CPM: variants seen among roughly 807,000 people sequenced by gnomAD.
CPM encodes renal carboxypeptidase.
A neutral mutation model predicts 46.4 loss-of-function variants in CPM; 35 were observed. The observed-to-expected ratio is 0.75, with a 90% confidence interval of 0.58 to 1.00. The LOEUF (loss-of-function observed/expected upper bound fraction) is 1.00. Ranked by LOEUF, CPM falls within the 50% of genes least tolerant of loss-of-function variation. The pLI, the probability that CPM is intolerant of heterozygous loss-of-function variation, is 0.00. For synonymous variants in CPM, 195 were observed against 195.3 expected (o/e 1.00, Z 0.01); for missense variants, 422 against 530.4 (o/e 0.80, Z 2.01).
chr12:68,951,676 G>A (rs1888937329), intron 1 of CPM, among the ~76,000 whole-genome samples: 1 of 152,180 alleles, frequency 6.6e-6, no homozygotes, highest in African/African-American at 2.4e-5. Flanking sequence ...CACCACCAGC[G>A]AGTGGGTCGT....
intron 1 of CPM, among the ~76,000 whole-genome samples, chr12:68,947,320 G>A (rs375936234): frequency 9.2e-5 from 14 of 152,080 alleles, no homozygotes; most frequent in African/African-American, 3.1e-4. Flanking sequence ...TTTGAGGCCG[G>A]GTGCAATGGC....
intron 1 of CPM, among the ~76,000 whole-genome samples, chr12:68,949,342 G>T (rs928533487): frequency 2.0e-5 from 3 of 152,172 alleles, no homozygotes; most frequent in African/African-American, 7.2e-5. Flanking sequence ...CAGCACTTTA[G>T]TCTAAGCAAC....
chr12:68,926,199 T>G (rs923432605), intron 2 of CPM, among the ~76,000 whole-genome samples: 1 of 152,226 alleles, frequency 6.6e-6, no homozygotes, highest in Non-Finnish European at 1.5e-5. Context: ...ATTACAGGTG[T>G]GAGCCACTGC....
intron 7 of CPM, among the ~76,000 whole-genome samples, chr12:68,864,866 A>G (rs1196314893): frequency 6.6e-6 from 1 of 152,136 alleles, no homozygotes; most frequent in Non-Finnish European, 1.5e-5. Flanking sequence ...TGTTTAAAAA[A>G]TTAGCTGGAT....
Position 68,932,706 on chromosome 12 carries a change from G to T in CPM, c.132C>A (p.His44Gln), listed in dbSNP as rs141809246. 2 of 1,614,094 alleles carry T rather than the reference G, an allele frequency of 1.2e-6. No individual in the cohort carries two copies. Among genetic ancestry groups the T allele is most frequent in the Admixed American group, 3.3e-5 (2 of 60,014 alleles). ...TVAQNYSSVT[H>Q]LHSIGKSVKG... ...TCACAGATTTCCCAATACTGTGTAA[G>T]TGAGTGACAGAACTGTAGTTTTGGG... The change falls in exon 2 of 9, where the codon CAC becomes CAA. Residue 44 changes from histidine (H) to glutamine (Q), a missense_variant. By Grantham distance (24) the His-to-Gln change is conservative. Transcript: ENST00000551568.
At chr12:68,903,101 CA>C (rs1156686832) in intron 2 of CPM, among the ~76,000 whole-genome samples, 3 of 152,178 alleles carry the variant, frequency 2.0e-5, no homozygotes, top group Non-Finnish European at 2.9e-5. Flanking sequence ...TTATTGTTAA[CA>C]AACGTTGTTA....
In CPM at chr12:68,851,414, A is replaced by C. The variant is rs1334235963; in HGVS notation, c.*5023T>G. The C allele has an allele frequency of 6.6e-6, 1 of 152,510 alleles. No individual in the cohort carries two copies. Among genetic ancestry groups the C allele is most frequent in the Non-Finnish European group, 1.5e-5 (1 of 68,138 alleles). The allele number at this position is 152,510 out of a possible 1,614,324, so 9.4% of individuals were successfully genotyped here. A position where few individuals can be genotyped will look rare whatever the true frequency, so the allele number is the denominator to read the frequency against. On this transcript the variant is annotated 3_prime_UTR_variant, in exon 9 of 9. Transcript: ENST00000551568. The stretch of plus-strand genomic sequence containing the variant: ...ATCATGAGGTCAGGAGATCGAGACC[A>C]TCCTGGCTAACACGGTGAAACCCCG...
intron 1 of CPM, among the ~76,000 whole-genome samples, chr12:68,947,619 G>T (rs1409050086): frequency 2.0e-5 from 3 of 150,734 alleles, no homozygotes; most frequent in Non-Finnish European, 4.4e-5. Flanking sequence ...AGAAAAGAAA[G>T]AATTTTTATA....
intron 2 of CPM, among the ~76,000 whole-genome samples, chr12:68,912,200 C>T (rs191977681): frequency 6.6e-6 from 1 of 152,196 alleles, no homozygotes; most frequent in East Asian, 1.9e-4. Context: ...AGAGACGGGG[C>T]TTCACCATTT....
At chr12:68,887,577 A>C (rs74665477) in intron 2 of CPM, among the ~76,000 whole-genome samples, 7,069 of 152,268 alleles carry the variant, frequency 0.046, 595 homozygotes, top group African/African-American at 0.16. Flanking sequence ...TGATTTATGT[A>C]CCCTGTTCAG....
At chr12:68,933,455 C>T (rs1377249779), upstream of CPM, among the ~76,000 whole-genome samples, 1 of 152,198 alleles carries the variant, frequency 6.6e-6, no homozygotes, top group Non-Finnish European at 1.5e-5. Context: ...AGAAGTGTGT[C>T]CTCGCCTCGG....
At chr12:68,938,210 A>G (rs889105679) in intron 1 of CPM, among the ~76,000 whole-genome samples, 1 of 152,182 alleles carries the variant, frequency 6.6e-6, no homozygotes, top group Non-Finnish European at 1.5e-5. Context: ...TAAAAGAAAA[A>G]TTTTAAACTT....
chr12:68,934,612 T>C (rs958598099), upstream of CPM, among the ~76,000 whole-genome samples: 1 of 152,074 alleles, frequency 6.6e-6, no homozygotes, highest in Non-Finnish European at 1.5e-5. Context: ...TTCCGTGGTG[T>C]ATATGTGCCA....
intron 2 of CPM, among the ~76,000 whole-genome samples, chr12:68,930,149 T>C (rs148005725): frequency 2.6e-5 from 4 of 152,312 alleles, no homozygotes; most frequent in African/African-American, 9.6e-5. Context: ...GGCATGATCT[T>C]GGCCCACTGC....
chr12:68,930,284 G>T (rs1015647563), intron 2 of CPM, among the ~76,000 whole-genome samples: 1 of 152,226 alleles, frequency 6.6e-6, no homozygotes, highest in East Asian at 1.9e-4. Flanking sequence ...GTTTCACCAT[G>T]TTGGCCAGGC....
chr12:68,929,175 G>T (rs1208126705), intron 2 of CPM, among the ~76,000 whole-genome samples: 3 of 151,984 alleles, frequency 2.0e-5, no homozygotes, highest in Non-Finnish European at 1.5e-5. Context: ...TAATTTTGGG[G>T]TGTGTGTGGA....
At chr12:68,878,413 T>C (rs1293702812) in intron 3 of CPM, among the ~76,000 whole-genome samples, 1 of 152,222 alleles carries the variant, frequency 6.6e-6, no homozygotes, top group Non-Finnish European at 1.5e-5. Context: ...AATATCACTA[T>C]TGTAAAACCT....
At chr12:68,845,303 CTT>C (rs1250935167) in intron 5 of CPM, 2 of 213,284 alleles carry the variant, frequency 9.4e-6, no homozygotes, top group Non-Finnish European at 1.9e-5. Context: ...GTAAGAGGGA[CTT>C]TTTGACATTT....
intron 6 of CPM, 58 bp downstream of exon 6, chr12:68,869,267 A>G: frequency 6.5e-7 from 1 of 1,540,078 alleles, no homozygotes; most frequent in South Asian, 1.2e-5. Flanking sequence ...AAAATAAACC[A>G]GCTGGCACTT....
Sources: allele counts gnomAD v4.1 joint callset (sites outside exome capture counted in the v4.1 genomes callset), GRCh38; gene constraint gnomAD v4.1.1; transcripts MANE v1.5; gene names NCBI Gene and HGNC (gene_info 2026-07-23, HGNC 2026-07-21).